The following LMO7 variants were observed in gnomAD, a reference collection of about 807,000 sequenced individuals.
The protein encoded by LMO7 is LIM domain only protein 7.
In LMO7, 120 loss-of-function variants were observed where a neutral mutation model predicts 206.5. The observed-to-expected ratio is 0.58, with a 90% confidence interval of 0.50 to 0.68. The LOEUF (loss-of-function observed/expected upper bound fraction) is 0.68, where lower values mean the gene tolerates loss of function less well. Among genes scored for constraint, LMO7 ranks in the 30% least tolerant of loss-of-function variants. The probability of loss-of-function intolerance (pLI) is 0.00; values close to 1 mark genes in which losing one functional copy is unlikely to be tolerated. For synonymous variants in LMO7, 706 were observed against 681.5 expected, an observed-to-expected ratio of 1.04 and a Z score of -0.56; for missense variants, 1,959 against 1,957.9, an observed-to-expected ratio of 1.00 and a Z score of -0.01.
intron 4 of LMO7, 59 bp downstream of exon 4, chr13:75,761,097 T>G (rs1213422331): frequency 9.1e-7 from 1 of 1,100,240 alleles, no homozygotes; most frequent in Non-Finnish European, 1.3e-6. Context: ...GGCTTGTAGC[T>G]TAAGTGAAAA....
chr13:75,686,969 T>A (rs2041062311), intron 1 of LMO7, among the ~76,000 whole-genome samples: 1 of 151,976 alleles, frequency 6.6e-6, no homozygotes, highest in African/African-American at 2.4e-5. Context: ...ATAGATGAGG[T>A]CTCCATTCTC....
intron 11 of LMO7, among the ~76,000 whole-genome samples, chr13:75,813,999 T>C (rs1034447094): frequency 2.6e-5 from 4 of 152,246 alleles, no homozygotes; most frequent in Non-Finnish European, 4.4e-5. Flanking sequence ...AGCCTCATTC[T>C]TCATAGTATG....
chr13:75,774,570 G>A (rs1044202680), intron 4 of LMO7, among the ~76,000 whole-genome samples: 1 of 152,028 alleles, frequency 6.6e-6, no homozygotes. Flanking sequence ...GTGCATAGTG[G>A]TATTTTATTA....
At chr13:75,745,429 CTG>C (rs1467051352) in intron 3 of LMO7, among the ~76,000 whole-genome samples, 1 of 152,060 alleles carries the variant, frequency 6.6e-6, no homozygotes, top group East Asian at 1.9e-4. Context: ...CTCAATAAAA[CTG>C]TTAAGAATAA....
chr13:75,779,452 C>G (rs527779097), intron 4 of LMO7, among the ~76,000 whole-genome samples: 2 of 152,136 alleles, frequency 1.3e-5, no homozygotes, highest in Non-Finnish European at 2.9e-5. Flanking sequence ...ATCTGAAAGA[C>G]ATCTGATTGA....
chr13:75,635,771 C>G (rs949458781), upstream of LMO7: 4 of 152,040 alleles, frequency 2.6e-5, no homozygotes, highest in Admixed American at 2.6e-4. Context: ...CCTCCTCTGC[C>G]GCCGGGAGGG....
chr13:75,659,535 G>A (rs1941068265), intron 1 of LMO7, among the ~76,000 whole-genome samples: 1 of 152,136 alleles, frequency 6.6e-6, no homozygotes, highest in Non-Finnish European at 1.5e-5. Flanking sequence ...AAATGAGGAA[G>A]AAGCAAAAGT....
intron 4 of LMO7, among the ~76,000 whole-genome samples, chr13:75,782,766 C>A (rs1056420139): frequency 6.6e-6 from 1 of 152,204 alleles, no homozygotes; most frequent in African/African-American, 2.4e-5. Flanking sequence ...CTGCTCCAAT[C>A]TCTGCCTCTG....
chr13:75,853,497 T>G, intron 28 of LMO7, 109 bp downstream of exon 28: 1 of 1,010,904 alleles, frequency 9.9e-7, no homozygotes, highest in Non-Finnish European at 1.4e-6. Context: ...AAGAAGCCCT[T>G]TTGAATGTGT....
In LMO7 at chr13:75,796,650, G is replaced by A. The variant is rs1168183283; in HGVS notation, c.363G>A (p.Leu121=). The part of the protein sequence containing the change: ...DRRVKNVLIT[L]YWLGRKAQSN... ...TTTTTTTTAAGGTTTTGATAACATT[G>A]TACTGGCTGGGAAGAAAAGCACAAA... Residue 121 remains leucine (L), a synonymous_variant, in exon 6 of 31, where the codon TTG becomes TTA. Coordinates refer to ENST00000377534, the MANE Select transcript of LMO7 (RefSeq NM_001306080.2). 6 of 1,593,826 alleles carry A rather than the reference G, an allele frequency of 3.8e-6. No homozygotes were observed. The highest frequency in any genetic ancestry group is 1.4e-5 in the African/African-American group (1 of 73,894).
intron 1 of LMO7, 97 bp from the exon 2 acceptor site, chr13:75,713,085 G>A: frequency 1.3e-6 from 1 of 769,494 alleles, no homozygotes; most frequent in South Asian, 1.8e-5. Flanking sequence ...AATCCTTCAA[G>A]TATAACATTA....
intron 14 of LMO7, among the ~76,000 whole-genome samples, chr13:75,822,667 A>G (rs1453828719): frequency 6.6e-6 from 1 of 150,778 alleles, no homozygotes; most frequent in African/African-American, 2.4e-5. Context: ...TAGACTTAAA[A>G]ACATCGAAAA....
chr13:75,836,513 A>G (rs1296779148), intron 19 of LMO7, 56 bp downstream of exon 19: 1 of 878,206 alleles, frequency 1.1e-6, no homozygotes. Context: ...ATAGCACTCA[A>G]GTTCTGCTGT....
At chr13:75,772,719 G>C (rs183971321) in intron 4 of LMO7, among the ~76,000 whole-genome samples, 58 of 152,210 alleles carry the variant, frequency 3.8e-4, no homozygotes, top group African/African-American at 1.4e-3. Context: ...ATGTGTATCT[G>C]TCAGACATGG....
At chr13:75,824,511 G>A (rs1038838540) in intron 15 of LMO7, among the ~76,000 whole-genome samples, 4 of 152,142 alleles carry the variant, frequency 2.6e-5, no homozygotes, top group Non-Finnish European at 4.4e-5. Flanking sequence ...ATGACTGGGG[G>A]CATGTGTAGT....
At chr13:75,747,101 A>C (rs2046904341) in intron 3 of LMO7, among the ~76,000 whole-genome samples, 1 of 152,200 alleles carries the variant, frequency 6.6e-6, no homozygotes, top group Non-Finnish European at 1.5e-5. Context: ...GGATGGGCCT[A>C]AGTCTCCAAA....
At chr13:75,728,060 G>A (rs9573638) in intron 3 of LMO7, among the ~76,000 whole-genome samples, 75,005 of 151,358 alleles carry the variant, frequency 0.5, 20,211 homozygotes, top group African/African-American at 0.71. Flanking sequence ...AGTCTTTGCT[G>A]TTGTGAATAG....
rs1241905224 is a variant in LMO7 at position 75,836,448 on chromosome 13, G to C, written c.3385G>C (p.Glu1129Gln). ...NGIHDESNAF[E>Q]SKASESISLK... ...AATTCATGATGAAAGCAATGCTTTT[G>C]AATCAAAAGGTAAATATCACCTTTA... The change falls in exon 19 of 31, where the codon GAA (glutamate) becomes CAA (glutamine). Residue 1129 changes from glutamate to glutamine, a missense_variant. By Grantham distance (29) the Glu-to-Gln change is conservative (BLOSUM62 2). Transcript: ENST00000377534. 7 of 1,485,828 alleles carry C rather than the reference G, an allele frequency of 4.7e-6. No homozygotes were observed. The highest frequency in any genetic ancestry group is 6.5e-6 in the Non-Finnish European group (7 of 1,082,044). 92.0% of individuals were successfully genotyped at this position (1,485,828 alleles called of 1,614,324 possible).
At chr13:75,723,401 A>G (rs1018656798) in intron 2 of LMO7, among the ~76,000 whole-genome samples, 1 of 152,154 alleles carries the variant, frequency 6.6e-6, no homozygotes, top group East Asian at 1.9e-4. Flanking sequence ...GTGTATTGAT[A>G]TGTTGTTCAA....
Sources: allele counts gnomAD v4.1 joint callset (sites outside exome capture counted in the v4.1 genomes callset), GRCh38; gene constraint gnomAD v4.1.1; transcripts MANE v1.5; gene names NCBI Gene and HGNC (gene_info 2026-07-23, HGNC 2026-07-21).